RMST: variants seen among roughly 807,000 people sequenced by gnomAD.
RMST encodes long intergenic non-protein coding RNA 54.
chr12:97,502,033 G>C (rs930613315), intron 10 of RMST, among the ~76,000 whole-genome samples: 20 of 152,116 alleles, frequency 1.3e-4, no homozygotes, highest in Non-Finnish European at 1.5e-4. Context: ...AGAGGTACTA[G>C]ATTAGAAGAT....
At chr12:97,546,506 T>A (rs567804189) in intron 11 of RMST, among the ~76,000 whole-genome samples, 2 of 151,838 alleles carry the variant, frequency 1.3e-5, no homozygotes, top group African/African-American at 4.8e-5. Flanking sequence ...TGCTTGAACC[T>A]GGAAGGTGGA....
At chr12:97,517,291 T>C (rs1239719796) in intron 10 of RMST, among the ~76,000 whole-genome samples, 1 of 151,978 alleles carries the variant, frequency 6.6e-6, no homozygotes, top group Non-Finnish European at 1.5e-5. Context: ...TTTTCCCAAG[T>C]TATTTAAAAT....
chr12:97,543,024 T>C (rs2136627734), intron 11 of RMST, among the ~76,000 whole-genome samples: 1 of 152,192 alleles, frequency 6.6e-6, no homozygotes, highest in Non-Finnish European at 1.5e-5. Context: ...TTTTAGGGTT[T>C]ATATCCTCGT....
chr12:97,536,317 CT>C (rs1301152700), intron 11 of RMST, among the ~76,000 whole-genome samples: 1 of 150,640 alleles, frequency 6.6e-6, no homozygotes, highest in African/African-American at 2.4e-5. Context: ...GAAAAAAAAA[CT>C]TTTTTTCTCC....
intron 4 of RMST, among the ~76,000 whole-genome samples, chr12:97,465,275 C>T (rs1056763106): frequency 1.3e-5 from 2 of 152,144 alleles, no homozygotes; most frequent in African/African-American, 2.4e-5. Context: ...GCTCTGTCGC[C>T]TTCAGTCGCA....
At chr12:97,474,465 G>T (rs11109050) in intron 5 of RMST, among the ~76,000 whole-genome samples, 3 of 151,812 alleles carry the variant, frequency 2.0e-5, no homozygotes, top group Non-Finnish European at 2.9e-5. Flanking sequence ...TAAAAGATGT[G>T]GTTGAGAAAT....
rs556140697 is a variant in RMST at position 97,533,942 on chromosome 12, C to T, written n.1545+3083C>T. The stretch of plus-strand genomic sequence containing the variant: ...CTGAAAGGTAGGCTTCTACTCCAAG[C>T]CTGTGAAGAAAGTCAAAGATGAAAA... On this transcript the variant is annotated intron_variant and non_coding_transcript_variant, in intron 11 of 13. Transcript: ENST00000640149. Among the ~76,000 whole-genome samples the T allele has an allele frequency of 3.9e-4, 59 of 151,856 alleles. 1 individual carries two copies. The highest frequency in any genetic ancestry group is 1.3e-3 in the African/African-American group (56 of 41,490).
chr12:97,507,169 T>C (rs1878776611), intron 10 of RMST, among the ~76,000 whole-genome samples: 1 of 152,058 alleles, frequency 6.6e-6, no homozygotes, highest in South Asian at 2.1e-4. Context: ...TCTGGATTTT[T>C]AATTCTGTAG....
chr12:97,525,419 A>G (rs1368339982), intron 10 of RMST, among the ~76,000 whole-genome samples: 7 of 152,190 alleles, frequency 4.6e-5, no homozygotes, highest in East Asian at 3.9e-4. Context: ...GTTTTTATAA[A>G]TGAACTAGAA....
In RMST at chr12:97,475,636, A is replaced by G. The variant is rs548451381; in HGVS notation, n.644+9909A>G. On this transcript the variant is annotated intron_variant and non_coding_transcript_variant, in intron 5 of 13. Transcript: ENST00000640149. ...CATGTCAGGCATCATTTTCACATGG[A>G]CTAAAGGCAAACATTATGATCCTTC... Among the ~76,000 whole-genome samples the G allele has an allele frequency of 8.0e-5, 12 of 149,820 alleles. No individual in the cohort carries two copies. In the East Asian group the frequency reaches 2.2e-3, roughly 27 times the overall value.
chr12:97,533,628 T>C (rs1318443293), intron 11 of RMST: 4 of 151,898 alleles, frequency 2.6e-5, no homozygotes, highest in Non-Finnish European at 2.9e-5. Flanking sequence ...ACTGTTTCCA[T>C]TTTTCATATC....
intron 10 of RMST, among the ~76,000 whole-genome samples, chr12:97,501,947 T>G (rs1201884977): frequency 6.6e-6 from 1 of 152,216 alleles, no homozygotes; most frequent in Non-Finnish European, 1.5e-5. Flanking sequence ...AGCACATTAC[T>G]GCTGCTTGGA....
intron 11 of RMST, among the ~76,000 whole-genome samples, chr12:97,542,160 G>A (rs1165033918): frequency 1.3e-5 from 2 of 151,974 alleles, no homozygotes; most frequent in Middle Eastern, 6.8e-3. Context: ...CTAATTAGAG[G>A]TGGGGACAAT....
At chr12:97,492,233 G>C (rs546425515) in intron 5 of RMST, among the ~76,000 whole-genome samples, 95 of 152,278 alleles carry the variant, frequency 6.2e-4, no homozygotes, top group African/African-American at 2.3e-3. Context: ...TCTGTGACAG[G>C]GAGGTTGTTC....
At chr12:97,495,178 G>T (rs979125414) in intron 9 of RMST, among the ~76,000 whole-genome samples, 3 of 150,812 alleles carry the variant, frequency 2.0e-5, no homozygotes, top group Non-Finnish European at 3.0e-5. Flanking sequence ...TATTCTTATG[G>T]GGGGGGAGCC....
At chr12:97,484,189 A>G (rs962416816) in intron 5 of RMST, among the ~76,000 whole-genome samples, 1 of 152,168 alleles carries the variant, frequency 6.6e-6, no homozygotes. Flanking sequence ...CAGTTCTTAC[A>G]GTGATATATT....
intron 11 of RMST, among the ~76,000 whole-genome samples, chr12:97,542,736 G>A (rs1235186038): frequency 1.3e-5 from 2 of 151,928 alleles, no homozygotes; most frequent in African/African-American, 4.8e-5. Flanking sequence ...CAGATAGCAC[G>A]CATGGCAGAG....
chr12:97,549,109 G>A (rs1420654218), intron 11 of RMST, among the ~76,000 whole-genome samples: 1 of 152,120 alleles, frequency 6.6e-6, no homozygotes, highest in Admixed American at 6.6e-5. Flanking sequence ...AACTCTGAGA[G>A]AGACTATGAA....
chr12:97,480,717 GC>G (rs1875177688), intron 5 of RMST, among the ~76,000 whole-genome samples: 1 of 152,100 alleles, frequency 6.6e-6, no homozygotes, highest in South Asian at 2.1e-4. Flanking sequence ...TTGCTTTCCA[GC>G]TACATGCAAC....
Sources: gnomAD v4.1 joint callset for allele counts (sites outside exome capture counted in the v4.1 genomes callset) on GRCh38, gnomAD v4.1.1 for gene constraint, MANE v1.5 for transcripts, NCBI Gene and HGNC (gene_info 2026-07-23, HGNC 2026-07-21) for gene names.